MYLK: variants seen among roughly 807,000 people sequenced by gnomAD.
MYLK encodes the protein myosin light chain kinase.
In MYLK, 106 loss-of-function variants were observed where a neutral mutation model predicts 203.4. The observed-to-expected ratio is 0.52, with a 90% CI of 0.45 to 0.61. The LOEUF (loss-of-function observed/expected upper bound fraction) is 0.61, where lower values mean the gene tolerates loss of function less well. MYLK is among the 20% of genes least tolerant of loss of function. The pLI is 0.00. For missense variants in MYLK, 2,072 were observed against 2,442.3 expected (o/e 0.85, Z 3.20); for synonymous variants, 867 against 959.5 (o/e 0.90, Z 1.78).
At chr3:123,724,034 T>C (rs1352414405) in intron 12 of MYLK, among the ~76,000 whole-genome samples, 1 of 152,174 alleles carries the variant, frequency 6.6e-6, no homozygotes, top group African/African-American at 2.4e-5. Flanking sequence ...TTATTGTCTA[T>C]GGCTTATGTA....
chr3:123,852,247 T>A (rs2030893260), intron 2 of MYLK, among the ~76,000 whole-genome samples: 1 of 152,222 alleles, frequency 6.6e-6, no homozygotes, highest in African/African-American at 2.4e-5. Flanking sequence ...ATCAGGATGA[T>A]GCTGGCCTCA....
intron 11 of MYLK, among the ~76,000 whole-genome samples, chr3:123,729,684 C>T (rs2062409604): frequency 6.6e-6 from 1 of 152,092 alleles, no homozygotes. Flanking sequence ...AGTTCAAGTC[C>T]AGCCTGGGCA....
At chr3:123,704,780 C>T (rs946213113) in intron 16 of MYLK, among the ~76,000 whole-genome samples, 21 of 147,678 alleles carry the variant, frequency 1.4e-4, no homozygotes, top group South Asian at 4.5e-4. Context: ...ATTAGCCGGG[C>T]GTGGTGGTAG....
At chr3:123,628,358 C>T (rs951158517) in intron 30 of MYLK, among the ~76,000 whole-genome samples, 1 of 152,196 alleles carries the variant, frequency 6.6e-6, no homozygotes, top group Non-Finnish European at 1.5e-5. Flanking sequence ...TCGGCAGCCC[C>T]GCAAGGCTGC....
At position 123,646,416 on chromosome 3, in the gene MYLK, T is replaced by C. The variant is rs372550268; in HGVS notation, c.4619+808A>G. Reference sequence around the variant, plus strand: ...AATATTTTTTGAGGTGATTGTAGCATATATTCTAAAAATTCAGATAAAAAA... The same window carrying C: ...AATATTTTTTGAGGTGATTGTAGCACATATTCTAAAAATTCAGATAAAAAA... On this transcript the variant is annotated intron_variant, in intron 27 of 33. Coordinates refer to ENST00000360304, the MANE Select transcript of MYLK (RefSeq NM_053025.4). 1.8e-4 allele frequency among the ~76,000 whole-genome samples: 27 copies of C among 152,356 alleles called. No individual in the cohort carries two copies. In the East Asian group the frequency reaches 5.0e-3, roughly 28 times the overall value.
chr3:123,646,467 G>C (rs1180990160), intron 27 of MYLK, among the ~76,000 whole-genome samples: 2 of 152,232 alleles, frequency 1.3e-5, no homozygotes, highest in Non-Finnish European at 2.9e-5. Flanking sequence ...TGCAGATGCT[G>C]TGGGGGATGC....
In MYLK at chr3:123,732,939, G is replaced by T; in HGVS notation, c.1473C>A (p.Asn491Lys). ...DSGTYSCTAS[N>K]AQGQLSCSWT... is the part of the protein sequence containing the mutation. ...AGCTACAGGACAGCTGGCCTTGGGCGTTGGAAGCAGTGCAGCTGTATGTCC... is the reference window on the plus strand; with the variant it reads ...AGCTACAGGACAGCTGGCCTTGGGCTTTGGAAGCAGTGCAGCTGTATGTCC... The change falls in exon 11 of 34, where the codon AAC becomes AAA. Residue 491 changes from asparagine (N) to lysine (K), a missense_variant. Physicochemically the swap from Asn to Lys is moderately conservative, Grantham distance 94 (BLOSUM62 0). This residue lies in a region of MYLK where 683 missense variants were observed against 643.8 expected (regional missense o/e 1.06). Transcript: ENST00000360304. The T allele has an allele frequency of 1.2e-6, 2 of 1,614,182 alleles. No homozygotes were observed. The highest frequency in any genetic ancestry group is 1.7e-6 in the Non-Finnish European group (2 of 1,180,026).
chr3:123,842,420 C>T (rs1284575370), intron 2 of MYLK, among the ~76,000 whole-genome samples: 1 of 152,098 alleles, frequency 6.6e-6, no homozygotes, highest in East Asian at 1.9e-4. Context: ...TCAATTTAAT[C>T]CAATCTCACA....
intron 2 of MYLK, among the ~76,000 whole-genome samples, chr3:123,848,124 C>A (rs1221477398): frequency 6.6e-6 from 1 of 151,190 alleles, no homozygotes; most frequent in Non-Finnish European, 1.5e-5. Flanking sequence ...AGAAAGTTAC[C>A]CATGTGTCCT....
intron 3 of MYLK, among the ~76,000 whole-genome samples, chr3:123,820,829 T>C (rs1464827776): frequency 6.6e-6 from 1 of 152,146 alleles, no homozygotes; most frequent in Non-Finnish European, 1.5e-5. Context: ...GTTCAGGCAA[T>C]TCTCCTGTCT....
At chr3:123,626,726 G>C in intron 31 of MYLK, 92 bp downstream of exon 31, 1 of 1,577,808 alleles carries the variant, frequency 6.3e-7, no homozygotes, top group Non-Finnish European at 8.7e-7. Context: ...AAACTTTCTT[G>C]GTGTGAGGCC....
chr3:123,755,909 T>C (rs1002577003), intron 4 of MYLK, among the ~76,000 whole-genome samples: 2 of 152,188 alleles, frequency 1.3e-5, no homozygotes, highest in African/African-American at 2.4e-5. Context: ...GAACCTCAGA[T>C]AGGGCTTCAG....
In MYLK at chr3:123,724,418, T is replaced by C. The variant is rs148192700; in HGVS notation, c.1651+1526A>G. Among the ~76,000 whole-genome samples, 41 of 152,330 alleles carry C rather than the reference T, an allele frequency of 2.7e-4. No homozygotes were observed. In the East Asian group the frequency reaches 7.7e-3, roughly 29 times the overall value. On this transcript the variant is annotated intron_variant, in intron 12 of 33. Coordinates refer to ENST00000360304, the MANE Select transcript of MYLK (RefSeq NM_053025.4). ...TGATACTTAGTCTAGACTCCGTTAT[T>C]AGTCCTTAACGCCCATATTGCATTC...
At chr3:123,761,593 G>A (rs2063536116) in intron 4 of MYLK, among the ~76,000 whole-genome samples, 1 of 152,130 alleles carries the variant, frequency 6.6e-6, no homozygotes, top group African/African-American at 2.4e-5. Context: ...TTGAATGTCT[G>A]CCCCATGTCC....
chr3:123,670,541 G>A, intron 20 of MYLK, among the ~76,000 whole-genome samples: 1 of 152,104 alleles, frequency 6.6e-6, no homozygotes, highest in East Asian at 1.9e-4. Flanking sequence ...GATCACTTGA[G>A]GCCAGGAGTT....
intron 3 of MYLK, among the ~76,000 whole-genome samples, chr3:123,813,614 G>A (rs754664584): frequency 4.6e-5 from 7 of 151,942 alleles, no homozygotes; most frequent in Non-Finnish European, 8.8e-5. Context: ...GGGTTCAAGC[G>A]ATTCTCCTGC....
chr3:123,624,546 C>T (rs2058043472), intron 31 of MYLK: 1 of 152,256 alleles, frequency 6.6e-6, no homozygotes, highest in South Asian at 2.1e-4. Flanking sequence ...ACTCACTGCT[C>T]TGAGGACTGC....
At chr3:123,625,319 T>C (rs1316544977) in intron 31 of MYLK, 2 of 152,232 alleles carry the variant, frequency 1.3e-5, no homozygotes, top group Admixed American at 6.5e-5. Flanking sequence ...CTTTCATGTC[T>C]AGTTGCTTCA....
At chr3:123,790,801 G>A (rs1388968618) in intron 4 of MYLK, among the ~76,000 whole-genome samples, 4 of 152,116 alleles carry the variant, frequency 2.6e-5, no homozygotes, top group African/African-American at 4.8e-5. Context: ...GTGATGGGAC[G>A]GTCCCTGAAC....
Sources: allele counts gnomAD v4.1 joint callset (sites outside exome capture counted in the v4.1 genomes callset), GRCh38; gene constraint gnomAD v4.1.1; regional missense constraint gnomAD v4.1.1; transcripts MANE v1.5; gene names NCBI Gene and HGNC (gene_info 2026-07-23, HGNC 2026-07-21).